Variants in UQCRB observed in about 807,000 individuals in gnomAD.
UQCRB encodes the protein ubiquinol-cytochrome c reductase binding protein.
Under a neutral mutation model 19.8 loss-of-function variants are expected in UQCRB, and 12 were observed. The ratio of observed to expected loss-of-function variants is 0.61; its 90% CI spans 0.39 to 0.98. UQCRB has a LOEUF of 0.98. Among genes scored for constraint, UQCRB ranks in the 50% least tolerant of loss-of-function variants. UQCRB has a pLI of 0.00. For missense variants in UQCRB, 142 were observed against 131.8 expected, an observed-to-expected ratio of 1.08 and a Z score of -0.38; for synonymous variants, 39 against 42.9, an observed-to-expected ratio of 0.91 and a Z score of 0.35.
At chr8:96,233,027 G>A in intron 2 of UQCRB, 129 bp downstream of exon 2, 1 of 781,652 alleles carries the variant, frequency 1.3e-6, no homozygotes, top group Non-Finnish European at 2.1e-6. Context: ...ATCTTCTGAT[G>A]TATACAAGAA....
In UQCRB at chr8:96,229,372, A is replaced by AG. The variant is rs949626508; in HGVS notation, c.*1682dup. The AG allele has an allele frequency of 6.6e-6, 3 of 453,958 alleles. No individual in the cohort carries two copies. The highest frequency in any genetic ancestry group is 6.0e-5 in the African/African-American group (3 of 49,992). The allele number at this position is 453,958 out of a possible 1,614,324, so 28.1% of individuals were successfully genotyped here. A position where few individuals can be genotyped will look rare whatever the true frequency, so the allele number is the denominator to read the frequency against. On this transcript the variant is annotated 3_prime_UTR_variant, in exon 4 of 4. Coordinates refer to ENST00000287022, the MANE Select transcript of UQCRB (RefSeq NM_006294.5). ...AACAGCATTCATAAGCATGGTTTCT[A>AG]GGGTCAGAGCCCAGCCTCCCTCCAC...
rs751676564 is a variant in UQCRB, at chr8:96,231,324, T to C, written c.259-192A>G. 5 of 1,549,882 alleles carry C rather than the reference T, an allele frequency of 3.2e-6. No individual in the cohort carries two copies. The African/African-American group carries it at 4.1e-5, about 13-fold the overall frequency. On this transcript the variant is annotated intron_variant, in intron 3 of 3. Coordinates refer to ENST00000287022, the MANE Select transcript of UQCRB (RefSeq NM_006294.5). ...GTGATGGTGTGATAAGTTGCTTTGA[T>C]AGGTTATGAGGGGGAAGTCTTTTCG...
At position 96,224,142 on chromosome 8, in the gene UQCRB, G is replaced by A. The variant is rs1006415095; in HGVS notation, c.*6913C>T. 6.6e-6 allele frequency among the ~76,000 whole-genome samples: 1 copy of A among 152,218 alleles called. No individual in the cohort carries two copies. The highest frequency in any genetic ancestry group is 1.5e-5 in the Non-Finnish European group (1 of 68,048). The stretch of plus-strand genomic sequence containing the variant: ...TCTGTGTGAGTCAGAGTCCTGGCAG[G>A]AAAGTGTGGCACACCCAATCAGGCA... On this transcript the variant is annotated 3_prime_UTR_variant, in exon 4 of 4. Coordinates refer to ENST00000287022, the MANE Select transcript of UQCRB (RefSeq NM_006294.5).
rs1233312585 is a variant in UQCRB, at chr8:96,229,770, A to C, written c.*1285T>G. 2.2e-6 allele frequency: 1 copy of C among 453,788 alleles called. No homozygotes were observed. The highest frequency in any genetic ancestry group is 2.0e-5 in the African/African-American group (1 of 49,986). 28.1% of individuals were successfully genotyped at this position (453,788 alleles called of 1,614,324 possible). A position where few individuals can be genotyped will look rare whatever the true frequency, so the allele number is the denominator to read the frequency against. On this transcript the variant is annotated 3_prime_UTR_variant, in exon 4 of 4. Transcript: ENST00000287022. ...AAAAATAACGACCAGCGAAAGGAAA[A>C]AAAAAAGCGGGGGAGGGGGTTCCTA...
rs1375023076 is a variant in UQCRB, at chr8:96,228,415, C to T, written c.*2640G>A. On this transcript the variant is annotated 3_prime_UTR_variant, in exon 4 of 4. Transcript: ENST00000287022. ...GCTGTCATGCAGATCCAGTTCCACT[C>T]TTCTCATCTCCAGCAGGTACTTCAC... The T allele has an allele frequency of 4.4e-6, 2 of 454,110 alleles. No individual in the cohort carries two copies. Among genetic ancestry groups the T allele is most frequent in the South Asian group, 3.1e-5 (2 of 64,480 alleles). 28.1% of individuals were successfully genotyped at this position (454,110 alleles called of 1,614,324 possible). A position where few individuals can be genotyped will look rare whatever the true frequency, so the allele number is the denominator to read the frequency against.
intron 1 of UQCRB, chr8:96,234,965 T>C (rs1809771881): frequency 4.5e-6 from 1 of 220,702 alleles, no homozygotes; most frequent in South Asian, 5.7e-5. Flanking sequence ...CTCGTATCCC[T>C]TGCTCAACTG....
rs1350827881 is a variant in UQCRB at position 96,230,078 on chromosome 8, GAAT to G, written c.*974_*976del. On this transcript the variant is annotated 3_prime_UTR_variant, in exon 4 of 4. Transcript: ENST00000287022. ...TAGGAGTGGAAATGATGACAACATT[GAAT>G]AATCCTAATTTTTTTTTTGAGACAG... 4.4e-6 allele frequency: 2 copies of G among 453,986 alleles called. No homozygotes were observed. The highest frequency in any genetic ancestry group is 4.7e-5 in the Admixed American group (2 of 42,554). 28.1% of individuals were successfully genotyped at this position (453,986 alleles called of 1,614,324 possible).
Position 96,229,944 on chromosome 8 carries a change from C to T in UQCRB, c.*1111G>A, listed in dbSNP as rs1158974438. On this transcript the variant is annotated 3_prime_UTR_variant, in exon 4 of 4. Coordinates refer to ENST00000287022, the MANE Select transcript of UQCRB (RefSeq NM_006294.5). The stretch of plus-strand genomic sequence containing the variant: ...TGAGGTAAGGCATTCCTGCCACACA[C>T]AGCAATGACTTGTCCTGGAAAACCA... 1.8e-5 allele frequency: 8 copies of T among 454,020 alleles called. No individual in the cohort carries two copies. Among genetic ancestry groups the T allele is most frequent in the Non-Finnish European group, 3.1e-5 (7 of 226,808 alleles). The allele number at this position is 454,020 out of a possible 1,614,324, so 28.1% of individuals were successfully genotyped here.
chr8:96,232,524 T>C (rs1371947324), intron 2 of UQCRB: 2 of 154,232 alleles, frequency 1.3e-5, no homozygotes, highest in African/African-American at 4.8e-5. Context: ...CTTTCAATGT[T>C]TATATAATTT....
intron 2 of UQCRB, 21 bp from the exon 3 acceptor site, chr8:96,231,961 A>C: frequency 6.2e-7 from 1 of 1,611,106 alleles, no homozygotes. Context: ...TGACAAAGTT[A>C]GATTGCACAT....
At chr8:96,231,468 C>T (rs1809672952) in intron 3 of UQCRB, 1 of 1,534,944 alleles carries the variant, frequency 6.5e-7, no homozygotes, top group East Asian at 2.4e-5. Context: ...ATGGGCTGAT[C>T]TTTTCATCTA....
rs1809519146 is a variant in UQCRB at position 96,226,023 on chromosome 8, C to A, written c.*5032G>T. The A allele has an allele frequency of 6.6e-6, 1 of 152,094 alleles. No homozygotes were observed. Among genetic ancestry groups the A allele is most frequent in the Non-Finnish European group, 1.5e-5 (1 of 68,022 alleles). The allele number at this position is 152,094 out of a possible 1,614,324, so 9.4% of individuals were successfully genotyped here. ...CTACTGGTACCTATCGTGTAGAAGC[C>A]AGGATGCTGCTAAATATCCTGTAAC... On this transcript the variant is annotated 3_prime_UTR_variant, in exon 4 of 4. Coordinates refer to ENST00000287022, the MANE Select transcript of UQCRB (RefSeq NM_006294.5).
intron 3 of UQCRB, chr8:96,231,437 TG>T: frequency 6.5e-7 from 1 of 1,536,082 alleles, no homozygotes; most frequent in Non-Finnish European, 8.7e-7. Flanking sequence ...AAGCTCTTCT[TG>T]GGATCTGGAG....
rs1291991586 is a variant in UQCRB at position 96,233,187 on chromosome 8, C to T, written c.60G>A (p.Trp20Ter). 6.2e-7 allele frequency: 1 copy of T among 1,613,380 alleles called. No individual in the cohort carries two copies. The highest frequency in any genetic ancestry group is 1.3e-5 in the African/African-American group (1 of 74,866). Residue 20 changes from tryptophan (W) to a stop codon, truncating the protein, a stop_gained, in exon 2 of 4, where the codon TGG (tryptophan) becomes TGA (stop). Transcript: ENST00000287022. LOFTEE classifies it high-confidence loss of function. Reference protein sequence around the residue: ...SGKWLDGIRKWYYNAAGFNKL... With the variant: ...SGKWLDGIRK ...TATTGAATCCTGCAGCATTGTAATA[C>T]CATTTTCGAATACCATCCAGCCACT...
At position 96,226,890 on chromosome 8, in the gene UQCRB, C is replaced by A. The variant is rs78131437; in HGVS notation, c.*4165G>T. The stretch of plus-strand genomic sequence containing the variant: ...TGACATCTATGCTAAAAATTAACCA[C>A]CGTATAATGATTCAGTTCTTCTTTC... On this transcript the variant is annotated 3_prime_UTR_variant, in exon 4 of 4. Coordinates refer to ENST00000287022, the MANE Select transcript of UQCRB (RefSeq NM_006294.5). 0.032 allele frequency: 14,352 copies of A among 453,698 alleles called. 1,031 individuals carry two copies. Among genetic ancestry groups the A allele is most frequent in the African/African-American group, 0.19 (9,515 of 50,026 alleles). The allele number at this position is 453,698 out of a possible 1,614,324, so 28.1% of individuals were successfully genotyped here.
Position 96,230,898 on chromosome 8 carries a change from A to G in UQCRB, c.*157T>C. 1.2e-6 allele frequency: 1 copy of G among 823,812 alleles called. No individual in the cohort carries two copies. The highest frequency in any genetic ancestry group is 2.6e-5 in the East Asian group (1 of 38,378). The allele number at this position is 823,812 out of a possible 1,614,324, so 51.0% of individuals were successfully genotyped here. The stretch of plus-strand genomic sequence containing the variant: ...AAATTTAACAGTAAAGGGATTCAGT[A>G]GTTATTCAGTATAAGGTTTGGAATT... On this transcript the variant is annotated 3_prime_UTR_variant, in exon 4 of 4. Coordinates refer to ENST00000287022, the MANE Select transcript of UQCRB (RefSeq NM_006294.5).
At chr8:96,233,275 G>T in intron 1 of UQCRB, 48 bp from the exon 2 acceptor site, 1 of 1,567,534 alleles carries the variant, frequency 6.4e-7, no homozygotes, top group South Asian at 1.1e-5. Context: ...TATACTATAT[G>T]AACACATTGA....
intron 1 of UQCRB, chr8:96,233,925 G>A (rs1210399431): frequency 6.6e-6 from 1 of 152,668 alleles, no homozygotes; most frequent in African/African-American, 2.4e-5. Flanking sequence ...AATGGATATT[G>A]AAAAAGGATG....
chr8:96,229,404 G>A lies in UQCRB; in HGVS notation c.*1651C>T, dbSNP rs746275798. 1.7e-4 allele frequency: 77 copies of A among 453,862 alleles called. No homozygotes were observed. The highest frequency in any genetic ancestry group is 1.8e-4 in the Non-Finnish European group (41 of 226,760). The allele number at this position is 453,862 out of a possible 1,614,324, so 28.1% of individuals were successfully genotyped here. A position where few individuals can be genotyped will look rare whatever the true frequency, so the allele number is the denominator to read the frequency against. Reference sequence around the variant, plus strand: ...GAGCCCAGCCTCCCTCCACCCACCCGGCTCCCTACACACCTTGACAGTGCT... The same window carrying A: ...GAGCCCAGCCTCCCTCCACCCACCCAGCTCCCTACACACCTTGACAGTGCT... On this transcript the variant is annotated 3_prime_UTR_variant, in exon 4 of 4. Coordinates refer to ENST00000287022, the MANE Select transcript of UQCRB (RefSeq NM_006294.5).
Sources: allele counts gnomAD v4.1 joint callset (sites outside exome capture counted in the v4.1 genomes callset), GRCh38; gene constraint gnomAD v4.1.1; transcripts MANE v1.5; gene names NCBI Gene and HGNC (gene_info 2026-07-23, HGNC 2026-07-21).